The following CLYBL variants were observed in gnomAD, a reference collection of about 807,000 sequenced individuals.
CLYBL encodes the protein citramalyl-CoA lyase.
CLYBL carries 31 observed loss-of-function variants against 38.9 expected under a neutral mutation model. The observed-to-expected ratio is 0.80, with a 90% CI of 0.60 to 1.08. The LOEUF (loss-of-function observed/expected upper bound fraction) is 1.08. Among genes scored for constraint, CLYBL ranks in the 50% least tolerant of loss-of-function variants. The pLI is 0.00. For missense variants in CLYBL, 434 were observed against 411.6 expected, an observed-to-expected ratio of 1.05 and a Z score of -0.47; for synonymous variants, 171 against 158.6, an observed-to-expected ratio of 1.08 and a Z score of -0.59.
chr13:99,629,781 T>C (rs1341160862), intron 1 of CLYBL, among the ~76,000 whole-genome samples: 1 of 152,208 alleles, frequency 6.6e-6, no homozygotes, highest in Non-Finnish European at 1.5e-5. Flanking sequence ...CACTGCACGC[T>C]CTGGTCCCTG....
rs1006969452 is a variant in CLYBL at position 99,849,418 on chromosome 13, C to G, written c.250-9443C>G. Among the ~76,000 whole-genome samples, 2 of 152,122 alleles carry G rather than the reference C, an allele frequency of 1.3e-5. No individual in the cohort carries two copies. Among genetic ancestry groups the G allele is most frequent in the Non-Finnish European group, 2.9e-5 (2 of 68,034 alleles). On this transcript the variant is annotated intron_variant, in intron 2 of 8. Coordinates refer to ENST00000339105, the MANE Select transcript of CLYBL (RefSeq NM_206808.5). This position sits in a 1 kb window ranked among gnomAD's most constrained non-coding sequence, Gnocchi z 4.9. ...GTCACAGCTACTCAGGAGGCCAAGG[C>G]GAGCGGATTGCTGGGGCCTAGGAGT...
chr13:99,829,094 C>T (rs1013504563), intron 2 of CLYBL, among the ~76,000 whole-genome samples: 3 of 152,208 alleles, frequency 2.0e-5, no homozygotes, highest in African/African-American at 4.8e-5. Context: ...ACCCAGGTAA[C>T]GCCCTCCAAA....
At chr13:99,867,953 A>G (rs2051790044) in intron 6 of CLYBL, among the ~76,000 whole-genome samples, 1 of 152,154 alleles carries the variant, frequency 6.6e-6, no homozygotes, top group Non-Finnish European at 1.5e-5. Context: ...GACTGAATTA[A>G]CTTGGCCCCT....
rs1879580668 is a variant in CLYBL at position 99,755,441 on chromosome 13, A to T, written c.63-17383A>T. 3.3e-5 allele frequency among the ~76,000 whole-genome samples: 5 copies of T among 151,934 alleles called. No individual in the cohort carries two copies. In the South Asian group the frequency reaches 8.3e-4, roughly 25 times the overall value. ...GCATGAGGTGTGCCCAGTGGGTGTG[A>T]TCATGGCCCTGCAGACAGGGCAGCT... On this transcript the variant is annotated intron_variant, in intron 1 of 8. Coordinates refer to ENST00000339105, the MANE Select transcript of CLYBL (RefSeq NM_206808.5).
intron 2 of CLYBL, among the ~76,000 whole-genome samples, chr13:99,833,288 A>C (rs1233987389): frequency 6.6e-6 from 1 of 150,998 alleles, no homozygotes; most frequent in African/African-American, 2.4e-5. Flanking sequence ...TGATCCAGCT[A>C]CCTCAGCCTT....
In CLYBL at chr13:99,797,832, G is replaced by A. The variant is rs542997695; in HGVS notation, c.249+24822G>A. On this transcript the variant is annotated intron_variant, in intron 2 of 8. Coordinates refer to ENST00000339105, the MANE Select transcript of CLYBL (RefSeq NM_206808.5). The stretch of plus-strand genomic sequence containing the variant: ...CATTTCCTTTTGGCTACCAGTACTA[G>A]GCAGGAAAATTATAGCCTAACTGTC... Among the ~76,000 whole-genome samples, 68 of 152,292 alleles carry A rather than the reference G, an allele frequency of 4.5e-4. 1 individual carries two copies. In the South Asian group the frequency reaches 6.4e-3, roughly 14 times the overall value.
At chr13:99,653,589 T>C (rs1349150825) in intron 1 of CLYBL, among the ~76,000 whole-genome samples, 1 of 152,230 alleles carries the variant, frequency 6.6e-6, no homozygotes, top group African/African-American at 2.4e-5. Context: ...TGCATCTGTT[T>C]GGAAATTCAG....
intron 2 of CLYBL, among the ~76,000 whole-genome samples, chr13:99,855,290 GC>G (rs1259601859): frequency 1.3e-5 from 2 of 152,008 alleles, no homozygotes; most frequent in Non-Finnish European, 2.9e-5. Context: ...GGATATAAAA[GC>G]CCCCATAAAA....
intron 1 of CLYBL, among the ~76,000 whole-genome samples, chr13:99,744,075 G>C (rs1186141077): frequency 1.4e-5 from 2 of 146,448 alleles, no homozygotes; most frequent in African/African-American, 5.1e-5. Context: ...CGGGTTCACA[G>C]CATTCTCCTG....
At chr13:99,837,894 C>T (rs992936567) in intron 2 of CLYBL, among the ~76,000 whole-genome samples, 5 of 152,182 alleles carry the variant, frequency 3.3e-5, no homozygotes, top group African/African-American at 9.6e-5. Flanking sequence ...CATACCAAAA[C>T]GTGTACTAAG....
rs1285068735 is a variant in CLYBL, at chr13:99,772,850, C to G, written c.89C>G (p.Pro30Arg). The G allele has an allele frequency of 6.2e-7, 1 of 1,607,372 alleles. No homozygotes were observed. Residue 30 changes from proline (P) to arginine (R), a missense_variant, in exon 2 of 9, where the codon CCC becomes CGC. By Grantham distance (103) the Pro-to-Arg change is moderately radical (BLOSUM62 -2). Transcript: ENST00000339105. Reference protein sequence around the residue: ...RLKASLAADIPRLGYSSSSHH... With the variant: ...RLKASLAADIRRLGYSSSSHH... ...AAAGCGTCTCTAGCAGCTGATATCC[C>G]CAGACTTGGATATAGTTCCTCATCC...
chr13:99,878,830 C>G (rs1014446176), intron 7 of CLYBL, among the ~76,000 whole-genome samples: 2 of 152,160 alleles, frequency 1.3e-5, no homozygotes, highest in African/African-American at 4.8e-5. Context: ...ATATCGAAAA[C>G]AAAGACTTGC....
At chr13:99,811,989 C>T (rs2050351615) in intron 2 of CLYBL, among the ~76,000 whole-genome samples, 1 of 152,174 alleles carries the variant, frequency 6.6e-6, no homozygotes, top group Admixed American at 6.5e-5. Flanking sequence ...ATCCACAATC[C>T]TGTATCCACT....
intron 1 of CLYBL, among the ~76,000 whole-genome samples, chr13:99,647,022 C>A (rs1199837729): frequency 2.0e-5 from 3 of 152,162 alleles, no homozygotes; most frequent in Non-Finnish European, 2.9e-5. Flanking sequence ...CACGCTCTGG[C>A]CTCCCATGCT....
At chr13:99,787,197 C>T (rs2138869790) in intron 2 of CLYBL, among the ~76,000 whole-genome samples, 1 of 151,594 alleles carries the variant, frequency 6.6e-6, no homozygotes, top group South Asian at 2.1e-4. Flanking sequence ...TGCAGAAGCT[C>T]TTTAATTAGA....
intron 1 of CLYBL, among the ~76,000 whole-genome samples, chr13:99,724,805 C>CA (rs2048446248): frequency 6.6e-6 from 1 of 152,142 alleles, no homozygotes; most frequent in African/African-American, 2.4e-5. Context: ...GAACAATCTT[C>CA]AAAATCCTCC....
intron 1 of CLYBL, among the ~76,000 whole-genome samples, chr13:99,625,908 C>T (rs1043144042): frequency 6.6e-6 from 1 of 152,174 alleles, no homozygotes; most frequent in East Asian, 1.9e-4. Flanking sequence ...CCAGAAGGTG[C>T]TTTGGCGCAT....
intron 1 of CLYBL, among the ~76,000 whole-genome samples, chr13:99,683,656 C>T (rs1044777684): frequency 6.6e-6 from 1 of 151,890 alleles, no homozygotes; most frequent in East Asian, 1.9e-4. Flanking sequence ...ATAACACGCA[C>T]AGAGCTGTTG....
At chr13:99,704,047 G>C (rs1293505619) in intron 1 of CLYBL, among the ~76,000 whole-genome samples, 2 of 152,136 alleles carry the variant, frequency 1.3e-5, no homozygotes, top group East Asian at 3.9e-4. Flanking sequence ...AGCACCTGTG[G>C]AAGTTATTTA....
Sources: allele counts gnomAD v4.1 joint callset (sites outside exome capture counted in the v4.1 genomes callset), GRCh38; gene constraint gnomAD v4.1.1; non-coding constraint Gnocchi (gnomAD v3.1); transcripts MANE v1.5; gene names NCBI Gene and HGNC (gene_info 2026-07-23, HGNC 2026-07-21).